Variants in HSPBP1 observed in about 807,000 individuals in gnomAD.
HSPBP1 encodes the protein hsp70-binding protein 1.
Under a neutral mutation model 41.7 loss-of-function variants are expected in HSPBP1, and 31 were observed. The observed-to-expected ratio is 0.74, with a 90% CI of 0.56 to 1.00. The LOEUF is 1.00. Among genes scored for constraint, HSPBP1 ranks in the 50% least tolerant of loss-of-function variants. The probability of loss-of-function intolerance (pLI) is 0.00; values close to 1 mark genes in which losing one functional copy is unlikely to be tolerated. For synonymous variants in HSPBP1, 199 were observed against 214.4 expected (o/e 0.93, Z 0.63); for missense variants, 439 against 487.9 (o/e 0.90, Z 0.94).
chr19:55,271,949 G>A (rs1255864347), intron 4 of HSPBP1, among the ~76,000 whole-genome samples: 2 of 152,048 alleles, frequency 1.3e-5, no homozygotes, highest in African/African-American at 4.8e-5. Flanking sequence ...GTAAACCCAG[G>A]TACTTGGGAG....
intron 3 of HSPBP1, among the ~76,000 whole-genome samples, chr19:55,276,166 G>A (rs1453456921): frequency 2.1e-5 from 3 of 146,298 alleles, no homozygotes; most frequent in Admixed American, 1.4e-4. Flanking sequence ...TGGGCACGCC[G>A]CCTTTAGCAC....
intron 3 of HSPBP1, among the ~76,000 whole-genome samples, chr19:55,275,052 G>A (rs1004384931): frequency 6.6e-6 from 1 of 152,198 alleles, no homozygotes; most frequent in Non-Finnish European, 1.5e-5. Context: ...AGCTGCTGAG[G>A]CCGGGAGAGC....
At position 55,263,618 on chromosome 19, in the gene HSPBP1, A is replaced by G. The variant is rs185409494; in HGVS notation, c.1006-936T>C. ...AAAAAAGAGCCCATCCGCACTGTACAGCTGCAAAATGAAAGAGCCACAGGC... is the reference window on the plus strand; with the variant it reads ...AAAAAAGAGCCCATCCGCACTGTACGGCTGCAAAATGAAAGAGCCACAGGC... On this transcript the variant is annotated intron_variant, in intron 7 of 7. Coordinates refer to ENST00000433386, the MANE Select transcript of HSPBP1 (RefSeq NM_012267.5). Among the ~76,000 whole-genome samples, 35 of 152,368 alleles carry G rather than the reference A, an allele frequency of 2.3e-4. 1 individual carries two copies. Among genetic ancestry groups the G allele is most frequent in the Admixed American group, 2.2e-3 (33 of 15,308 alleles).
intron 6 of HSPBP1, 109 bp downstream of exon 6, chr19:55,265,777 C>G: frequency 1.4e-6 from 1 of 696,826 alleles, no homozygotes; most frequent in Non-Finnish European, 2.4e-6. Flanking sequence ...TTCCTCTCTA[C>G]GGGAAGGTCC....
At chr19:55,276,717 A>G (rs564588034) in intron 3 of HSPBP1, among the ~76,000 whole-genome samples, 2 of 152,196 alleles carry the variant, frequency 1.3e-5, no homozygotes, top group East Asian at 3.9e-4. Flanking sequence ...CTGCCCGGAT[A>G]AGACGGGGAG....
rs1037176662 is a variant in HSPBP1 at position 55,277,626 on chromosome 19, G to A, written c.415+16C>T. Reference sequence around the variant, plus strand: ...GTACAGAGGGGCAGAACGTCCTGGCGGGGGAAGCGGGGTACCTGCGGCATT... The same window carrying A: ...GTACAGAGGGGCAGAACGTCCTGGCAGGGGAAGCGGGGTACCTGCGGCATT... On this transcript the variant is annotated intron_variant, in intron 3 of 7. Transcript: ENST00000433386. 104 of 1,598,016 alleles carry A rather than the reference G, an allele frequency of 6.5e-5. No homozygotes were observed. Among genetic ancestry groups the A allele is most frequent in the Non-Finnish European group, 8.0e-5 (94 of 1,173,688 alleles).
chr19:55,266,200 C>A lies in HSPBP1; in HGVS notation c.727G>T (p.Val243Leu), dbSNP rs867800432. 1 of 1,584,812 alleles carries A rather than the reference C, an allele frequency of 6.3e-7. No homozygotes were observed. ...SVLMRAMQQQ[V>L]QKLKVKSAFL... Reference sequence around the variant, plus strand: ...GCTGATTTGACCTTGAGCTTCTGCACCTGCTGCTGCATGGCCCTCATCAAC... The same window carrying A: ...GCTGATTTGACCTTGAGCTTCTGCAACTGCTGCTGCATGGCCCTCATCAAC... Residue 243 changes from valine to leucine, a missense_variant, in exon 5 of 8, where the codon GTG becomes TTG. By Grantham distance (32) the Val-to-Leu change is conservative. Transcript: ENST00000433386.
At position 55,279,660 on chromosome 19, in the gene HSPBP1, G is replaced by A; in HGVS notation, c.-52C>T. On this transcript the variant is annotated 5_prime_UTR_variant, in exon 2 of 8. Transcript: ENST00000433386. ...GTGTTAGAGGGAGAAGGTGGTCACCGCTGAAGCAGCTCTGGCGTCCTGATG... is the reference window on the plus strand; with the variant it reads ...GTGTTAGAGGGAGAAGGTGGTCACCACTGAAGCAGCTCTGGCGTCCTGATG... 2 of 1,547,230 alleles carry A rather than the reference G, an allele frequency of 1.3e-6. No homozygotes were observed. The highest frequency in any genetic ancestry group is 1.7e-6 in the Non-Finnish European group (2 of 1,147,506).
chr19:55,279,496 T>C lies in HSPBP1; in HGVS notation c.113A>G (p.Asn38Ser), dbSNP rs200182398. Residue 38 changes from asparagine to serine, a missense_variant, in exon 2 of 8, where the codon AAT becomes AGT. Transcript: ENST00000433386. ...TTGGAGGTTGCGTGGGGGCCGGGAA[T>C]TGCCCGAGCCCCCAGCCGAGGAGCC... ...GGGSSAGGSG[N>S]SRPPRNLQGL... 1.5e-5 allele frequency: 24 copies of C among 1,601,508 alleles called. No individual in the cohort carries two copies. Among genetic ancestry groups the C allele is most frequent in the Non-Finnish European group, 2.0e-5 (23 of 1,177,504 alleles).
In HSPBP1 at chr19:55,270,414, T is replaced by C. The variant is rs1356451012; in HGVS notation, c.640+3984A>G. On this transcript the variant is annotated intron_variant, in intron 4 of 7. Transcript: ENST00000433386. This position sits in a 1 kb window ranked among gnomAD's most constrained non-coding sequence, Gnocchi z 5.4. Reference sequence around the variant, plus strand: ...GTGCAGCGCACAGGGCTTAGTGCAATGAGACCTTCAGGGAACGAGGCCCGG... The same window carrying C: ...GTGCAGCGCACAGGGCTTAGTGCAACGAGACCTTCAGGGAACGAGGCCCGG... Among the ~76,000 whole-genome samples, 3 of 152,142 alleles carry C rather than the reference T, an allele frequency of 2.0e-5. No homozygotes were observed. Among genetic ancestry groups the C allele is most frequent in the African/African-American group, 7.2e-5 (3 of 41,428 alleles).
chr19:55,274,667 G>C (rs1362480028), intron 3 of HSPBP1, 45 bp from the exon 4 acceptor site: 1 of 1,519,742 alleles, frequency 6.6e-7, no homozygotes, highest in Non-Finnish European at 9.0e-7. Context: ...GTTAGGGACT[G>C]AACCGTGCCC....
At chr19:55,271,177 G>A (rs1243238790) in intron 4 of HSPBP1, among the ~76,000 whole-genome samples, 1 of 152,180 alleles carries the variant, frequency 6.6e-6, no homozygotes, top group African/African-American at 2.4e-5. Flanking sequence ...CCTGGTGAAC[G>A]ATGTGACTGT....
intron 5 of HSPBP1, 58 bp from the exon 6 acceptor site, chr19:55,266,040 C>G (rs2122812202): frequency 1.3e-6 from 2 of 1,560,758 alleles, no homozygotes; most frequent in Non-Finnish European, 1.7e-6. Context: ...TATGCCCTCC[C>G]CGGGATGCCT....
At chr19:55,274,286 A>C in intron 4 of HSPBP1, 112 bp downstream of exon 4, 6 of 1,022,810 alleles carry the variant, frequency 5.9e-6, no homozygotes, top group Non-Finnish European at 7.1e-6. Context: ...AAGCATGGGA[A>C]CAAACGAGGG....
At chr19:55,277,542 G>C (rs1221504448) in intron 3 of HSPBP1, 100 bp downstream of exon 3, 13 of 1,208,542 alleles carry the variant, frequency 1.1e-5, no homozygotes, top group Non-Finnish European at 1.5e-5. Context: ...GAAGGCAGCA[G>C]GGAGGCTGAC....
At position 55,265,377 on chromosome 19, in the gene HSPBP1, G is replaced by A; in HGVS notation, c.906C>T (p.Asp302=). 1 of 1,613,320 alleles carries A rather than the reference G, an allele frequency of 6.2e-7. No homozygotes were observed. The highest frequency in any genetic ancestry group is 1.1e-5 in the South Asian group (1 of 91,068). Residue 302 remains aspartate (D), a synonymous_variant, in exon 7 of 8, where the codon GAC becomes GAT. Coordinates refer to ENST00000433386, the MANE Select transcript of HSPBP1 (RefSeq NM_012267.5). ...VLGALCSLVT[D]FPQGVRECRE... ...GACACTCGCGCACACCCTGCGGAAA[G>A]TCTGTCACCAGGCTGTGAGGGACAT...
chr19:55,266,101 A>C, intron 5 of HSPBP1, 30 bp downstream of exon 5: 1 of 1,591,126 alleles, frequency 6.3e-7, no homozygotes, highest in Non-Finnish European at 8.6e-7. Context: ...TCTGCTCCCC[A>C]CTCCTGCCCT....
intron 6 of HSPBP1, 116 bp downstream of exon 6, chr19:55,265,770 C>T: frequency 3.0e-6 from 2 of 668,010 alleles, no homozygotes; most frequent in South Asian, 3.9e-5. Flanking sequence ...CACACCCTTC[C>T]TCTCTACGGG....
chr19:55,267,728 G>A (rs1158693085), intron 4 of HSPBP1, among the ~76,000 whole-genome samples: 1 of 152,206 alleles, frequency 6.6e-6, no homozygotes, highest in African/African-American at 2.4e-5. Flanking sequence ...CAAGGTGCTG[G>A]GATTACAGGC....
Sources: allele counts gnomAD v4.1 joint callset (sites outside exome capture counted in the v4.1 genomes callset), GRCh38; gene constraint gnomAD v4.1.1; non-coding constraint Gnocchi (gnomAD v3.1); transcripts MANE v1.5; gene names NCBI Gene and HGNC (gene_info 2026-07-23, HGNC 2026-07-21).